Variants in LYRM4 observed in about 807,000 individuals in gnomAD.
LYRM4 encodes LYR motif-containing protein 4.
A neutral mutation model predicts 11.7 loss-of-function variants in LYRM4; 9 were observed. The ratio of observed to expected loss-of-function variants is 0.77; its 90% CI spans 0.46 to 1.34. The LOEUF (loss-of-function observed/expected upper bound fraction) is 1.34. Among genes scored for constraint, LYRM4 ranks in the 40% most tolerant of loss-of-function variants. The probability of loss-of-function intolerance (pLI) is 0.00; values close to 1 mark genes in which losing one functional copy is unlikely to be tolerated. For missense variants in LYRM4, 133 were observed against 112.5 expected (o/e 1.18, Z -0.82); for synonymous variants, 42 against 40.4 (o/e 1.04, Z -0.15).
chr6:5,092,842 T>A, the LYRM4 span, among the ~76,000 whole-genome samples: 2 of 152,220 alleles, frequency 1.3e-5, no homozygotes, highest in African/African-American at 2.4e-5. Context: ...GGCATTTTTT[T>A]AAATTGCATT....
chr6:5,038,394 C>T, the LYRM4 span, among the ~76,000 whole-genome samples: 4 of 65,224 alleles, frequency 6.1e-5, 1 homozygote, highest in African/African-American at 8.5e-5. Flanking sequence ...CGCTCCTCAC[C>T]TTCCAGACTG....
At chr6:5,163,551 T>G (rs1416013744) in intron 2 of LYRM4, among the ~76,000 whole-genome samples, 1 of 151,968 alleles carries the variant, frequency 6.6e-6, no homozygotes, top group Non-Finnish European at 1.5e-5. Flanking sequence ...ATTTGCATTT[T>G]CATGTGAATT....
chr6:5,207,628 T>C (rs2127713368), intron 2 of LYRM4, among the ~76,000 whole-genome samples: 1 of 152,324 alleles, frequency 6.6e-6, no homozygotes, highest in South Asian at 2.1e-4. Flanking sequence ...TGATAGCTTG[T>C]CTGGAAAAGC....
chr6:5,257,512 G>C (rs992338978), intron 1 of LYRM4, among the ~76,000 whole-genome samples: 3 of 152,182 alleles, frequency 2.0e-5, no homozygotes, highest in African/African-American at 4.8e-5. Context: ...TCTCTCCAGG[G>C]CTTGGTATAG....
chr6:5,232,178 T>TA, intron 1 of LYRM4, among the ~76,000 whole-genome samples: 2 of 152,364 alleles, frequency 1.3e-5, no homozygotes, highest in Middle Eastern at 3.4e-3. Flanking sequence ...ACTGGACTCT[T>TA]ACTGCCACAG....
intron 2 of LYRM4, among the ~76,000 whole-genome samples, chr6:5,180,864 G>T (rs1348976814): frequency 6.6e-6 from 1 of 152,208 alleles, no homozygotes; most frequent in African/African-American, 2.4e-5. Flanking sequence ...TCTTGCTAGT[G>T]AAGTATGTCA....
chr6:5,246,436 A>C (rs1208943644), intron 1 of LYRM4, among the ~76,000 whole-genome samples: 2 of 152,280 alleles, frequency 1.3e-5, no homozygotes, highest in African/African-American at 4.8e-5. Flanking sequence ...CAAGGTCTTT[A>C]ATTGGAGAAA....
the LYRM4 span, chr6:5,054,125 C>T: frequency 1.0e-6 from 1 of 985,782 alleles, no homozygotes; most frequent in Non-Finnish European, 1.2e-6. Context: ...ATGGCAGTCA[C>T]CTGGCCATGA....
At chr6:5,066,926 G>GC in the LYRM4 span, 75 of 1,114,980 alleles carry the variant, frequency 6.7e-5, no homozygotes, top group Non-Finnish European at 9.0e-5. Flanking sequence ...AGCGACCAGC[G>GC]CCCCCCAAGG....
chr6:5,214,347 T>C (rs761729562), intron 2 of LYRM4, among the ~76,000 whole-genome samples: 3 of 152,032 alleles, frequency 2.0e-5, no homozygotes, highest in Non-Finnish European at 2.9e-5. Flanking sequence ...AGGCAGGTGG[T>C]GCACAAGCAT....
chr6:5,133,076 T>C (rs1238913156), intron 2 of LYRM4, among the ~76,000 whole-genome samples: 1 of 152,196 alleles, frequency 6.6e-6, no homozygotes, highest in African/African-American at 2.4e-5. Flanking sequence ...TTTTTGTTAC[T>C]GTTGTTGTGT....
At chr6:5,260,611 G>GGCCCCCCC in intron 1 of LYRM4, 37 bp downstream of exon 1, 2 of 1,377,684 alleles carry the variant, frequency 1.5e-6, no homozygotes, top group Non-Finnish European at 2.0e-6. Context: ...CCGGCCCCTG[G>GGCCCCCCC]CCCCCCGCCC....
rs569980341 is a variant in LYRM4, at chr6:5,108,917, C to G, written c.*506G>C. On this transcript the variant is annotated 3_prime_UTR_variant, in exon 3 of 3. Transcript: ENST00000330636. ...AGCCCTGCCCTACTCCATGCTGCCC[C>G]CAGTCTCAAGTGGTGCTTGAACTTG... 13 of 994,254 alleles carry G rather than the reference C, an allele frequency of 1.3e-5. No homozygotes were observed. The highest frequency in any genetic ancestry group is 1.6e-5 in the Non-Finnish European group (13 of 834,518). 61.6% of individuals were successfully genotyped at this position (994,254 alleles called of 1,614,324 possible).
At chr6:5,176,021 A>G (rs1207585532) in intron 2 of LYRM4, among the ~76,000 whole-genome samples, 1 of 151,934 alleles carries the variant, frequency 6.6e-6, no homozygotes, top group Admixed American at 6.6e-5. Context: ...CCCGGCCCAG[A>G]TAATCTGTGA....
At chr6:5,146,418 C>T (rs901468881) in intron 2 of LYRM4, among the ~76,000 whole-genome samples, 9 of 151,990 alleles carry the variant, frequency 5.9e-5, no homozygotes, top group Non-Finnish European at 5.9e-5. Flanking sequence ...ACAGAAATGC[C>T]GAGAAGTTAG....
At chr6:5,143,439 T>G (rs1757517896) in intron 2 of LYRM4, among the ~76,000 whole-genome samples, 1 of 152,208 alleles carries the variant, frequency 6.6e-6, no homozygotes, top group Non-Finnish European at 1.5e-5. Flanking sequence ...TTGGTGACTG[T>G]GATACAGACA....
the LYRM4 span, among the ~76,000 whole-genome samples, chr6:5,095,920 C>T: frequency 2.0e-5 from 3 of 152,136 alleles, no homozygotes; most frequent in South Asian, 6.2e-4. Context: ...GTGGAGGTTG[C>T]AGTGAGCCGA....
intron 2 of LYRM4, chr6:5,136,566 A>G (rs1757112801): frequency 1.0e-6 from 1 of 973,712 alleles, no homozygotes; most frequent in Non-Finnish European, 1.2e-6. Context: ...TGGTATTTAT[A>G]ATGTCTTACT....
chr6:5,158,119 A>C (rs1288571459), intron 2 of LYRM4, among the ~76,000 whole-genome samples: 1 of 151,920 alleles, frequency 6.6e-6, no homozygotes, highest in Non-Finnish European at 1.5e-5. Context: ...CAAATGTATA[A>C]TGTATATGTC....
Sources: gnomAD v4.1 joint callset for allele counts (sites outside exome capture counted in the v4.1 genomes callset) on GRCh38, gnomAD v4.1.1 for gene constraint, MANE v1.5 for transcripts, NCBI Gene and HGNC (gene_info 2026-07-23, HGNC 2026-07-21) for gene names.